PTPRQ: variants seen among roughly 807,000 people sequenced by gnomAD.
PTPRQ encodes the protein phosphatidylinositol phosphatase PTPRQ.
In PTPRQ, 199 loss-of-function variants were observed where a neutral mutation model predicts 246.0. That is an observed-to-expected ratio of 0.81 (90% CI 0.72 to 0.91). The LOEUF is 0.91. Among genes scored for constraint, PTPRQ ranks in the 40% least tolerant of loss-of-function variants. The probability of loss-of-function intolerance (pLI) is 0.00; values close to 1 mark genes in which losing one functional copy is unlikely to be tolerated. For synonymous variants in PTPRQ, 869 were observed against 853.2 expected (o/e 1.02, Z -0.32); for missense variants, 2,624 against 2,528.4 (o/e 1.04, Z -0.81).
At chr12:80,677,435 AT>A (rs928418434) in intron 43 of PTPRQ, among the ~76,000 whole-genome samples, 5 of 152,216 alleles carry the variant, frequency 3.3e-5, no homozygotes, top group African/African-American at 1.2e-4. Context: ...ACCTAATGAC[AT>A]TTGAATTTTC....
At chr12:80,592,644 G>A (rs181278680) in intron 26 of PTPRQ, among the ~76,000 whole-genome samples, 8 of 152,132 alleles carry the variant, frequency 5.3e-5, no homozygotes, top group Admixed American at 2.0e-4. Flanking sequence ...AAATATAATG[G>A]CCATGTTGCA....
chr12:80,468,687 T>A (rs1334297707), intron 6 of PTPRQ, 23 bp from the exon 7 acceptor site: 1 of 1,516,656 alleles, frequency 6.6e-7, no homozygotes, highest in Non-Finnish European at 8.8e-7. Flanking sequence ...ATGTTATGTA[T>A]TTATTTTCTA....
chr12:80,631,004 G>A (rs978907175), intron 33 of PTPRQ, among the ~76,000 whole-genome samples: 7 of 152,090 alleles, frequency 4.6e-5, no homozygotes, highest in East Asian at 3.9e-4. Context: ...ATGAGCCACC[G>A]TGCCCAGCCC....
At chr12:80,593,975 A>C (rs1208518728) in intron 26 of PTPRQ, among the ~76,000 whole-genome samples, 1 of 152,032 alleles carries the variant, frequency 6.6e-6, no homozygotes, top group Admixed American at 6.6e-5. Flanking sequence ...TGGGAAAACC[A>C]CAGGATACCA....
At chr12:80,635,302 A>G (rs981292321) in intron 35 of PTPRQ, among the ~76,000 whole-genome samples, 1 of 152,230 alleles carries the variant, frequency 6.6e-6, no homozygotes, top group Non-Finnish European at 1.5e-5. Context: ...ATAATGTTCA[A>G]TCAGGATTAT....
intron 17 of PTPRQ, chr12:80,526,030 T>C (rs569699791): frequency 2.0e-5 from 3 of 152,112 alleles, no homozygotes; most frequent in Non-Finnish European, 4.4e-5. Flanking sequence ...GCATCAAAAA[T>C]CTAGAGGAGA....
chr12:80,517,703 A>G (rs1895347478), intron 17 of PTPRQ, among the ~76,000 whole-genome samples: 2 of 151,104 alleles, frequency 1.3e-5, no homozygotes, highest in African/African-American at 2.4e-5. Flanking sequence ...CTCTATCTCT[A>G]TAAATTCAAT....
chr12:80,611,935 A>G (rs1470901150), intron 28 of PTPRQ, among the ~76,000 whole-genome samples: 1 of 150,418 alleles, frequency 6.6e-6, no homozygotes, highest in Non-Finnish European at 1.5e-5. Context: ...ATTTGACACA[A>G]TAGTACGTTT....
chr12:80,574,096 C>T (rs1205580847), intron 25 of PTPRQ, among the ~76,000 whole-genome samples: 2 of 151,974 alleles, frequency 1.3e-5, no homozygotes, highest in African/African-American at 4.8e-5. Flanking sequence ...CAAAAACATG[C>T]GTATTGTGAT....
chr12:80,455,790 CG>C (rs1207826509), intron 3 of PTPRQ, among the ~76,000 whole-genome samples: 1 of 151,628 alleles, frequency 6.6e-6, no homozygotes, highest in African/African-American at 2.4e-5. Flanking sequence ...TTAGCAGAGA[CG>C]GGTTTCACTA....
intron 19 of PTPRQ, 144 bp from the exon 20 acceptor site, chr12:80,539,632 A>C: frequency 1.6e-6 from 1 of 642,796 alleles, no homozygotes; most frequent in Non-Finnish European, 2.3e-6. Flanking sequence ...TGTTGCAATA[A>C]AAAATGTTCT....
chr12:80,603,403 A>G (rs1376947722), intron 26 of PTPRQ, among the ~76,000 whole-genome samples: 1 of 151,790 alleles, frequency 6.6e-6, no homozygotes, highest in African/African-American at 2.4e-5. Flanking sequence ...ATAAACTCCA[A>G]ATTCTTTAAC....
intron 39 of PTPRQ, among the ~76,000 whole-genome samples, chr12:80,665,934 C>A (rs1254693988): frequency 1.3e-5 from 2 of 151,708 alleles, no homozygotes; most frequent in African/African-American, 4.8e-5. Flanking sequence ...ATCAAAAAGA[C>A]AAAAAAATAA....
intron 8 of PTPRQ, among the ~76,000 whole-genome samples, chr12:80,476,137 C>T (rs953124796): frequency 6.6e-6 from 1 of 151,554 alleles, no homozygotes; most frequent in Non-Finnish European, 1.5e-5. Flanking sequence ...GCAATACTGG[C>T]TATTGTTTTG....
intron 35 of PTPRQ, among the ~76,000 whole-genome samples, chr12:80,642,474 C>T (rs1163033): frequency 0.34 from 51,868 of 152,032 alleles, 14,222 homozygotes; most frequent in African/African-American, 0.76. Context: ...AAGAATATTT[C>T]TTCAAATGTG....
In PTPRQ at chr12:80,484,421, T is replaced by C; in HGVS notation, c.1187-12T>C. ...TTCCCCCTTTTCTTTTCTTTCTTTC[T>C]TTCTTTCTTAGTTCCAGGGGCAGTG... On this transcript the variant is annotated splice_polypyrimidine_tract_variant and intron_variant, in intron 8 of 44. Coordinates refer to ENST00000644991, the MANE Select transcript of PTPRQ (RefSeq NM_001145026.2). 2 of 1,521,942 alleles carry C rather than the reference T, an allele frequency of 1.3e-6. No homozygotes were observed. Among genetic ancestry groups the C allele is most frequent in the Non-Finnish European group, 1.8e-6 (2 of 1,138,014 alleles). 94.3% of individuals were successfully genotyped at this position (1,521,942 alleles called of 1,614,324 possible).
chr12:80,644,022 C>A (rs888187073), intron 35 of PTPRQ, among the ~76,000 whole-genome samples: 3 of 152,170 alleles, frequency 2.0e-5, no homozygotes, highest in African/African-American at 2.4e-5. Flanking sequence ...CTGGTTGAAG[C>A]TGCTCAGCTA....
In PTPRQ at chr12:80,496,006, GA is replaced by G; in HGVS notation, c.1893del (p.Lys631AsnfsTer7). ...TGTCTCTTGTCCTTATAGGGTTAAA[GA>G]AATACACAAAATACAAAATGAGAGT... is the stretch of plus-strand genomic sequence containing the variant. ...DNSFLITGLK[K>X]YTKYKMRVAA... On this transcript the variant is annotated frameshift_variant, in exon 13 of 45. Transcript: ENST00000644991. LOFTEE classifies it high-confidence loss of function. 6.5e-7 allele frequency: 1 copy of G among 1,549,570 alleles called. No individual in the cohort carries two copies. The highest frequency in any genetic ancestry group is 8.7e-7 in the Non-Finnish European group (1 of 1,145,968).
At chr12:80,641,213 AT>A (rs1446038736) in intron 35 of PTPRQ, among the ~76,000 whole-genome samples, 1 of 152,124 alleles carries the variant, frequency 6.6e-6, no homozygotes, top group Non-Finnish European at 1.5e-5. Flanking sequence ...TGGCACAAAC[AT>A]TTTTTGTTAC....
Sources: gnomAD v4.1 joint callset for allele counts (sites outside exome capture counted in the v4.1 genomes callset) on GRCh38, gnomAD v4.1.1 for gene constraint, MANE v1.5 for transcripts, NCBI Gene and HGNC (gene_info 2026-07-23, HGNC 2026-07-21) for gene names.